The following SDK1 variants were observed in gnomAD, a reference collection of about 807,000 sequenced individuals.
SDK1 encodes sidekick cell adhesion molecule 1.
In SDK1, 157 loss-of-function variants were observed where a neutral mutation model predicts 245.5. That is an observed-to-expected ratio of 0.64 (90% confidence interval 0.56 to 0.73). SDK1 has a LOEUF of 0.73. Ranked by LOEUF, SDK1 falls within the 30% of genes least tolerant of loss-of-function variation. SDK1 has a pLI of 0.00. For missense variants in SDK1, 3,583 were observed against 3,002.3 expected, an observed-to-expected ratio of 1.19 and a Z score of -4.52; for synonymous variants, 1,647 against 1,278.5, an observed-to-expected ratio of 1.29 and a Z score of -6.15.
chr7:4,224,125 C>T (rs1344684419), intron 40 of SDK1, among the ~76,000 whole-genome samples: 1 of 152,216 alleles, frequency 6.6e-6, no homozygotes, highest in Admixed American at 6.5e-5. Context: ...TTCCCAGGAA[C>T]CTGCAGGTGC....
chr7:4,140,763 C>T (rs1181924976), intron 28 of SDK1, among the ~76,000 whole-genome samples: 1 of 152,082 alleles, frequency 6.6e-6, no homozygotes, highest in Non-Finnish European at 1.5e-5. Context: ...TATGAAGTGC[C>T]TGGAATATAG....
intron 32 of SDK1, among the ~76,000 whole-genome samples, chr7:4,163,585 G>T (rs1584340048): frequency 6.6e-6 from 1 of 152,224 alleles, no homozygotes; most frequent in African/African-American, 2.4e-5. Flanking sequence ...AGGGACAGTG[G>T]CTTCACTTTG....
At chr7:3,505,859 C>T (rs1404704333) in intron 1 of SDK1, among the ~76,000 whole-genome samples, 2 of 152,164 alleles carry the variant, frequency 1.3e-5, no homozygotes, top group African/African-American at 4.8e-5. Flanking sequence ...GGTCCTGGAA[C>T]CAATCCCCTT....
chr7:3,857,060 CTA>C (rs1035740372), intron 5 of SDK1, among the ~76,000 whole-genome samples: 1 of 152,030 alleles, frequency 6.6e-6, no homozygotes, highest in Non-Finnish European at 1.5e-5. Flanking sequence ...CAGAATTACA[CTA>C]TGAAAAAATC....
chr7:3,301,955 A>G, intron 1 of SDK1, 71 bp downstream of exon 1: 1 of 1,041,410 alleles, frequency 9.6e-7, no homozygotes, highest in South Asian at 4.5e-5. Context: ...GAGCAGCGAG[A>G]GTGTGTCCGG....
chr7:3,564,644 T>C (rs1039322172), intron 1 of SDK1, among the ~76,000 whole-genome samples: 4 of 151,992 alleles, frequency 2.6e-5, no homozygotes, highest in East Asian at 3.9e-4. Flanking sequence ...GAAAAAAATA[T>C]AAAATGTAAA....
At position 3,854,368 on chromosome 7, in the gene SDK1, T is replaced by C. The variant is rs937250674; in HGVS notation, c.847+32785T>C. Among the ~76,000 whole-genome samples, 3 of 152,188 alleles carry C rather than the reference T, an allele frequency of 2.0e-5. No individual in the cohort carries two copies. In the South Asian group the frequency reaches 6.2e-4, roughly 32 times the overall value. On this transcript the variant is annotated intron_variant, in intron 5 of 44. Transcript: ENST00000404826. ...CAATACATACCTTATAGAGTATGTG[T>C]GCAGATTAAATCAGATAATGTAACT...
intron 1 of SDK1, among the ~76,000 whole-genome samples, chr7:3,443,150 A>G (rs1282133392): frequency 2.0e-5 from 3 of 151,754 alleles, no homozygotes; most frequent in Non-Finnish European, 2.9e-5. Flanking sequence ...AAGATATTTT[A>G]TGTTCTATAT....
intron 1 of SDK1, among the ~76,000 whole-genome samples, chr7:3,377,154 C>G (rs1466438896): frequency 6.6e-6 from 1 of 152,116 alleles, no homozygotes; most frequent in Non-Finnish European, 1.5e-5. Context: ...TTCAATCTCT[C>G]TGAGGATATG....
intron 1 of SDK1, among the ~76,000 whole-genome samples, chr7:3,391,620 G>A (rs900629283): frequency 6.7e-6 from 1 of 149,198 alleles, no homozygotes; most frequent in Non-Finnish European, 1.5e-5. Context: ...GTATATACAT[G>A]TATCCTGTTA....
chr7:4,123,641 A>G (rs1784206463), intron 25 of SDK1, among the ~76,000 whole-genome samples: 1 of 152,238 alleles, frequency 6.6e-6, no homozygotes, highest in East Asian at 1.9e-4. Flanking sequence ...AATGGATAGT[A>G]TTTCATAGAA....
intron 44 of SDK1, among the ~76,000 whole-genome samples, chr7:4,247,699 T>C (rs903850513): frequency 9.2e-5 from 14 of 152,226 alleles, no homozygotes; most frequent in African/African-American, 2.7e-4. Context: ...CGCTGCTGTG[T>C]GTTTCCAGCA....
intron 1 of SDK1, among the ~76,000 whole-genome samples, chr7:3,365,885 A>C (rs958073648): frequency 1.8e-4 from 27 of 152,148 alleles, no homozygotes; most frequent in African/African-American, 6.5e-4. Context: ...AAAAATACAA[A>C]AAAATTAGCT....
At chr7:4,071,992 G>GA (rs914533879) in intron 20 of SDK1, among the ~76,000 whole-genome samples, 1 of 152,138 alleles carries the variant, frequency 6.6e-6, no homozygotes, top group African/African-American at 2.4e-5. Context: ...AAAGCTGAAA[G>GA]AAAAAAATCC....
At chr7:3,730,922 G>C (rs1224552596) in intron 4 of SDK1, among the ~76,000 whole-genome samples, 2 of 152,114 alleles carry the variant, frequency 1.3e-5, no homozygotes, top group African/African-American at 4.8e-5. Context: ...ACAGCATCAG[G>C]CCTAAGGTCC....
intron 25 of SDK1, 60 bp from the exon 26 acceptor site, chr7:4,127,321 A>G: frequency 7.9e-7 from 1 of 1,267,092 alleles, no homozygotes; most frequent in Middle Eastern, 1.9e-4. Context: ...TGAAAGCTGG[A>G]TCTTTGTATG....
At position 3,878,247 on chromosome 7, in the gene SDK1, G is replaced by A. The variant is rs144820665; in HGVS notation, c.847+56664G>A. ...AATAAATAAAGGCTTTTGGCCGGGT[G>A]CGGTGGCTCACGCCTGTAATCCCAG... On this transcript the variant is annotated intron_variant, in intron 5 of 44. Coordinates refer to ENST00000404826, the MANE Select transcript of SDK1 (RefSeq NM_152744.4). Among the ~76,000 whole-genome samples, 988 of 152,276 alleles carry A rather than the reference G, an allele frequency of 6.5e-3. 18 individuals are homozygous for A. The highest frequency in any genetic ancestry group is 0.022 in the African/African-American group (924 of 41,542).
intron 4 of SDK1, among the ~76,000 whole-genome samples, chr7:3,744,369 A>G (rs538773301): frequency 6.6e-6 from 1 of 152,098 alleles, no homozygotes; most frequent in African/African-American, 2.4e-5. Context: ...TGTCTATTCT[A>G]TTATAATATA....
intron 1 of SDK1, among the ~76,000 whole-genome samples, chr7:3,426,929 C>A (rs188817051): frequency 6.6e-6 from 1 of 152,296 alleles, no homozygotes; most frequent in East Asian, 1.9e-4. Context: ...ATGCAGAGTT[C>A]TTCAAAAGTT....
Sources: allele counts gnomAD v4.1 joint callset (sites outside exome capture counted in the v4.1 genomes callset), GRCh38; gene constraint gnomAD v4.1.1; transcripts MANE v1.5; gene names NCBI Gene and HGNC (gene_info 2026-07-23, HGNC 2026-07-21).